The following NAV3 variants were observed in gnomAD, a reference collection of about 807,000 sequenced individuals.
The protein encoded by NAV3 is pore membrane and/or filament interacting like protein 1.
In NAV3, 87 loss-of-function variants were observed where a neutral mutation model predicts 244.7. The observed-to-expected ratio is 0.36, with a 90% CI of 0.30 to 0.42. The LOEUF is 0.42. Ranked by LOEUF, NAV3 falls within the 20% of genes least tolerant of loss-of-function variation. The pLI is 1.00. For synonymous variants in NAV3, 1,126 were observed against 1,042.2 expected (o/e 1.08, Z -1.55); for missense variants, 2,663 against 2,893.3 (o/e 0.92, Z 1.83).
rs753934887 is a variant in NAV3, at chr12:78,198,727, G to T, written c.6518+51G>T. Reference sequence around the variant, plus strand: ...GTTTTGTTTTTTTGTTTTGTGTTGGGGGGGGCAGGGGAGGGGGTTGGCATT... The same window carrying T: ...GTTTTGTTTTTTTGTTTTGTGTTGGTGGGGGCAGGGGAGGGGGTTGGCATT... On this transcript the variant is annotated intron_variant, in intron 36 of 39. Transcript: ENST00000397909. The T allele has an allele frequency of 2.5e-5, 26 of 1,039,654 alleles. 1 individual carries two copies. The highest frequency in any genetic ancestry group is 2.2e-4 in the Middle Eastern group (1 of 4,546). The allele number at this position is 1,039,654 out of a possible 1,614,324, so 64.4% of individuals were successfully genotyped here.
chr12:78,131,730 T>C (rs1176995950), intron 18 of NAV3, among the ~76,000 whole-genome samples: 2 of 152,186 alleles, frequency 1.3e-5, no homozygotes, highest in Non-Finnish European at 2.9e-5. Context: ...CTTAATTTTC[T>C]TATCTCTTGA....
intron 1 of NAV3, among the ~76,000 whole-genome samples, chr12:77,915,357 A>G (rs1887022839): frequency 6.6e-6 from 1 of 152,012 alleles, no homozygotes; most frequent in South Asian, 2.1e-4. Flanking sequence ...TCTTCCTGGC[A>G]TTGCAAAGAG....
intron 2 of NAV3, among the ~76,000 whole-genome samples, chr12:77,768,203 G>A (rs1869882339): frequency 1.3e-5 from 2 of 152,190 alleles, no homozygotes; most frequent in African/African-American, 4.8e-5. Flanking sequence ...GGGTGGCCAT[G>A]GGCAGCCTGG....
intron 1 of NAV3, among the ~76,000 whole-genome samples, chr12:77,896,910 T>C (rs1463576146): frequency 6.6e-6 from 1 of 151,778 alleles, no homozygotes; most frequent in African/African-American, 2.4e-5. Context: ...CTGTGGGAGG[T>C]AGATGAACAG....
At chr12:77,783,589 G>A (rs1222808517) in intron 2 of NAV3, 1 of 152,170 alleles carries the variant, frequency 6.6e-6, no homozygotes, top group African/African-American at 2.4e-5. Context: ...AAAGTAAGGG[G>A]CCAGTTATTT....
chr12:77,595,019 T>G (rs1870103814), intron 2 of NAV3, among the ~76,000 whole-genome samples: 1 of 152,112 alleles, frequency 6.6e-6, no homozygotes, highest in Non-Finnish European at 1.5e-5. Flanking sequence ...AAATTAAAAA[T>G]AGAATTATCA....
At chr12:78,149,819 C>G (rs568917150) in intron 22 of NAV3, among the ~76,000 whole-genome samples, 2 of 152,114 alleles carry the variant, frequency 1.3e-5, no homozygotes, top group South Asian at 4.2e-4. Context: ...TGCAGACCCA[C>G]AGTGTAAGAC....
chr12:78,188,539 T>C (rs749811772), intron 32 of NAV3, 70 bp from the exon 33 acceptor site: 4 of 1,447,558 alleles, frequency 2.8e-6, no homozygotes, highest in Non-Finnish European at 3.8e-6. Flanking sequence ...TATATCCCTG[T>C]GAGTTATGTA....
At chr12:78,039,678 T>C (rs938225278) in intron 9 of NAV3, among the ~76,000 whole-genome samples, 5 of 152,106 alleles carry the variant, frequency 3.3e-5, no homozygotes, top group Non-Finnish European at 7.4e-5. Context: ...TTACAATGTG[T>C]ATAATTAAAG....
At chr12:77,900,956 C>T (rs1359328699) in intron 1 of NAV3, among the ~76,000 whole-genome samples, 1 of 152,034 alleles carries the variant, frequency 6.6e-6, no homozygotes, top group African/African-American at 2.4e-5. Context: ...CTTATAGTGG[C>T]CTTGATTTAC....
chr12:77,920,567 T>A (rs992948678), intron 1 of NAV3, among the ~76,000 whole-genome samples: 1 of 152,020 alleles, frequency 6.6e-6, no homozygotes, highest in African/African-American at 2.4e-5. Flanking sequence ...TTGTGAAAAA[T>A]TAAAATGCAT....
At chr12:77,674,388 AC>A (rs1874117352) in intron 2 of NAV3, among the ~76,000 whole-genome samples, 3 of 148,126 alleles carry the variant, frequency 2.0e-5, no homozygotes, top group African/African-American at 7.7e-5. Flanking sequence ...TTCAAATTAT[AC>A]TTTTTTTTTT....
At chr12:77,666,211 G>A (rs562816362) in intron 2 of NAV3, among the ~76,000 whole-genome samples, 1 of 142,444 alleles carries the variant, frequency 7.0e-6, no homozygotes, top group South Asian at 2.2e-4. Flanking sequence ...CTAGTCAGGG[G>A]TCTCTCTACT....
At chr12:77,917,857 C>A (rs1887310536) in intron 1 of NAV3, among the ~76,000 whole-genome samples, 1 of 151,992 alleles carries the variant, frequency 6.6e-6, no homozygotes, top group South Asian at 2.1e-4. Flanking sequence ...AGAAAGGTTT[C>A]TATATTCTTG....
chr12:77,655,530 G>C (rs530312053), intron 2 of NAV3, among the ~76,000 whole-genome samples: 2 of 152,186 alleles, frequency 1.3e-5, no homozygotes, highest in African/African-American at 2.4e-5. Flanking sequence ...GGAAAACAAT[G>C]TGCAGGATAT....
At chr12:77,619,863 A>G (rs1871295247) in intron 2 of NAV3, among the ~76,000 whole-genome samples, 1 of 151,962 alleles carries the variant, frequency 6.6e-6, no homozygotes, top group African/African-American at 2.4e-5. Context: ...CGTTAATGTG[A>G]CAAAAAGTCT....
chr12:77,790,679 T>G (rs915699751), intron 2 of NAV3, among the ~76,000 whole-genome samples: 12 of 152,226 alleles, frequency 7.9e-5, no homozygotes, highest in African/African-American at 2.9e-4. Context: ...TTTCAGACTC[T>G]GCAACATCTG....
intron 18 of NAV3, among the ~76,000 whole-genome samples, chr12:78,135,517 A>T (rs1956334884): frequency 6.6e-6 from 1 of 152,216 alleles, no homozygotes; most frequent in Non-Finnish European, 1.5e-5. Flanking sequence ...TAAGAATTAT[A>T]CAAAGCCAAA....
intron 34 of NAV3, among the ~76,000 whole-genome samples, chr12:78,195,924 G>A (rs1006626456): frequency 6.6e-6 from 1 of 151,884 alleles, no homozygotes; most frequent in African/African-American, 2.4e-5. Flanking sequence ...CCTCATGTCC[G>A]GAAAAGTACT....
Sources: allele counts gnomAD v4.1 joint callset (sites outside exome capture counted in the v4.1 genomes callset), GRCh38; gene constraint gnomAD v4.1.1; transcripts MANE v1.5; gene names NCBI Gene and HGNC (gene_info 2026-07-23, HGNC 2026-07-21).